Variants in FTCD observed in about 807,000 individuals in gnomAD.
The protein encoded by FTCD is formimidoyltransferase cyclodeaminase.
Under a neutral mutation model 62.9 loss-of-function variants are expected in FTCD, and 76 were observed. That is an observed-to-expected ratio of 1.21 (90% CI 1.00 to 1.46). The LOEUF is 1.46. Ranked by LOEUF, FTCD falls within the 40% of genes most tolerant of loss-of-function variation. The pLI, the probability that FTCD is intolerant of heterozygous loss-of-function variation, is 0.00. For missense variants in FTCD, 845 were observed against 751.3 expected (o/e 1.12, Z -1.46); for synonymous variants, 397 against 336.9 (o/e 1.18, Z -1.95).
At chr21:46,155,009 G>A (rs1295739663) in intron 1 of FTCD, among the ~76,000 whole-genome samples, 4 of 152,210 alleles carry the variant, frequency 2.6e-5, no homozygotes, top group South Asian at 4.1e-4. Context: ...TGCCTACTTC[G>A]TTTTGGGTCC....
chr21:46,150,443 T>G lies in FTCD; in HGVS notation c.719A>C (p.Asp240Ala). The change falls in exon 6 of 14, where the codon GAC (aspartate) becomes GCC (alanine). Residue 240 changes from aspartate (D) to alanine (A), a missense_variant. Transcript: ENST00000397746. ...CGTGTGCAGTGCCGTGACCTCAAAG[T>G]CCAGAAGATTGGTGGACACCTGAGC... ...NLAQVSTNLL[D>A]FEVTALHTVY... is the part of the protein sequence containing the mutation. The G allele has an allele frequency of 6.2e-7, 1 of 1,613,120 alleles. No individual in the cohort carries two copies. The highest frequency in any genetic ancestry group is 8.5e-7 in the Non-Finnish European group (1 of 1,179,836).
At position 46,137,248 on chromosome 21, in the gene FTCD, A is replaced by G. The variant is rs1176561391; in HGVS notation, c.1530T>C (p.Phe510=). Residue 510 remains phenylalanine (F), a synonymous_variant, in exon 13 of 14, where the codon TTT becomes TTC. Transcript: ENST00000397746. ...INLRDITDEA[F]KDQIHHRVSS... ...CCTGCCTCCTGCTCACCTGGTCCTTAAATGCCTCGTCTGTGATGTCCCTCA... is the reference window on the plus strand; with the variant it reads ...CCTGCCTCCTGCTCACCTGGTCCTTGAATGCCTCGTCTGTGATGTCCCTCA... The G allele has an allele frequency of 3.1e-6, 5 of 1,612,024 alleles. No homozygotes were observed. The South Asian group carries it at 5.5e-5, about 18-fold the overall frequency.
At position 46,145,631 on chromosome 21, in the gene FTCD, G is replaced by A. The variant is rs575248663; in HGVS notation, c.1099-53C>T. 541 of 1,438,080 alleles carry A rather than the reference G, an allele frequency of 3.8e-4. 3 individuals carry two copies. The South Asian group carries it at 6.1e-3, about 16-fold the overall frequency. The allele number at this position is 1,438,080 out of a possible 1,614,324, so 89.1% of individuals were successfully genotyped here. A position where few individuals can be genotyped will look rare whatever the true frequency, so the allele number is the denominator to read the frequency against. On this transcript the variant is annotated intron_variant, in intron 9 of 13. Transcript: ENST00000397746. ...CAGGGACCCCAGACGGCCCGGGACC[G>A]ACCCCAGGAAGAGCCAGGGGCCCGG...
At position 46,151,672 on chromosome 21, in the gene FTCD, C is replaced by T. The variant is rs751380593; in HGVS notation, c.522G>A (p.Thr174=). 53 of 1,612,934 alleles carry T rather than the reference C, an allele frequency of 3.3e-5. No individual in the cohort carries two copies. Among genetic ancestry groups the T allele is most frequent in the East Asian group, 1.8e-4 (8 of 44,896 alleles). The change falls in exon 5 of 14, where the codon ACG becomes ACA. Residue 174 remains threonine (T), a synonymous_variant. Transcript: ENST00000397746. ...TGAGGAACTTCCTCGCCCCCGTGGC[C>T]GTGGCCCCCCAACTGGGGACAAAGG... ...PSSFVPSWGA[T]ATGARKFLIA... is the part of the protein sequence containing the mutation.
intron 10 of FTCD, among the ~76,000 whole-genome samples, chr21:46,140,525 G>A (rs75214524): frequency 0.031 from 3,124 of 100,006 alleles, 68 homozygotes; most frequent in Middle Eastern, 0.093. Flanking sequence ...GTCCACCTTC[G>A]CATTGCTCAG....
chr21:46,154,322 G>A lies in FTCD; in HGVS notation c.65C>T (p.Ala22Val), dbSNP rs1163788370. Reference sequence around the variant, plus strand: ...GGTCTGTGTGATGGCTCCAGAGATGGCGTCGATCACCTGGGACACAGGCCC... The same window carrying A: ...GGTCTGTGTGATGGCTCCAGAGATGACGTCGATCACCTGGGACACAGGCCC... ...SEGKNQEVID[A>V]ISGAITQTPG... Residue 22 changes from alanine to valine, a missense_variant, in exon 2 of 14, where the codon GCC becomes GTC. Physicochemically the swap from Ala to Val is moderately conservative, Grantham distance 64 (BLOSUM62 0). Transcript: ENST00000397746. 7 of 1,610,322 alleles carry A rather than the reference G, an allele frequency of 4.3e-6. No individual in the cohort carries two copies. The highest frequency in any genetic ancestry group is 5.1e-6 in the Non-Finnish European group (6 of 1,179,436).
chr21:46,146,022 G>GGCCCCAC (rs1233496168), intron 8 of FTCD, 75 bp from the exon 9 acceptor site: 29 of 934,980 alleles, frequency 3.1e-5, no homozygotes, highest in Non-Finnish European at 4.0e-5. Context: ...GGCGGCCCCA[G>GGCCCCAC]GCCCCACGCC....
intron 3 of FTCD, 138 bp from the exon 4 acceptor site, chr21:46,152,118 T>G (rs2079302262): frequency 1.6e-6 from 1 of 630,958 alleles, no homozygotes. Flanking sequence ...GGAGTGCCCG[T>G]TCTCCGCCTT....
chr21:46,138,926 G>A lies in FTCD; in HGVS notation c.1261-3C>T, dbSNP rs762914874. On this transcript the variant is annotated splice_region_variant and splice_polypyrimidine_tract_variant and intron_variant, in intron 10 of 13. Coordinates refer to ENST00000397746, the MANE Select transcript of FTCD (RefSeq NM_206965.2). The stretch of plus-strand genomic sequence containing the variant: ...TTCTTGGGGAGCCTCATTGCTTCCT[G>A]CCATAAAGAGACAGAACCACTGGGC... 2.5e-6 allele frequency: 4 copies of A among 1,611,432 alleles called. No individual in the cohort carries two copies. Among genetic ancestry groups the A allele is most frequent in the Admixed American group, 1.7e-5 (1 of 59,992 alleles).
chr21:46,155,391 A>G lies in FTCD; in HGVS notation c.54+79T>C, dbSNP rs1052646557. ...GACGACCCGGGACACCAAGCCCACC[A>G]CCTCCTCCATGGCCTGGGCCTTAGC... On this transcript the variant is annotated intron_variant, in intron 1 of 13. Coordinates refer to ENST00000397746, the MANE Select transcript of FTCD (RefSeq NM_206965.2). 420 of 1,208,090 alleles carry G rather than the reference A, an allele frequency of 3.5e-4. 1 individual carries two copies. Among genetic ancestry groups the G allele is most frequent in the Non-Finnish European group, 4.6e-4 (377 of 818,864 alleles). 74.8% of individuals were successfully genotyped at this position (1,208,090 alleles called of 1,614,324 possible). A position where few individuals can be genotyped will look rare whatever the true frequency, so the allele number is the denominator to read the frequency against.
chr21:46,145,490 G>A lies in FTCD; in HGVS notation c.1187C>T (p.Pro396Leu), dbSNP rs898958928. 6.4e-7 allele frequency: 1 copy of A among 1,555,444 alleles called. No homozygotes were observed. Among genetic ancestry groups the A allele is most frequent in the Non-Finnish European group, 8.7e-7 (1 of 1,150,304 alleles). ...SLDTTMRRLI[P>L]PFREASAKLT... ...CTTGGCCGAAGCCTCGCGGAAGGGCGGGATCAGGCGCCGCATCGTCGTGTC... is the reference window on the plus strand; with the variant it reads ...CTTGGCCGAAGCCTCGCGGAAGGGCAGGATCAGGCGCCGCATCGTCGTGTC... The change falls in exon 10 of 14, where the codon CCG becomes CTG. Residue 396 changes from proline to leucine, a missense_variant. Coordinates refer to ENST00000397746, the MANE Select transcript of FTCD (RefSeq NM_206965.2).
chr21:46,146,487 C>T (rs1481651704), intron 7 of FTCD, 160 bp from the exon 8 acceptor site: 2 of 636,368 alleles, frequency 3.1e-6, no homozygotes, highest in Admixed American at 4.8e-5. Context: ...CACCCCCCAC[C>T]TCTGCCCCGC....
In FTCD at chr21:46,151,475, G is replaced by A. The variant is rs572919846; in HGVS notation, c.636+83C>T. 2,815 of 1,310,014 alleles carry A rather than the reference G, an allele frequency of 2.1e-3. 5 individuals are homozygous for A. The highest frequency in any genetic ancestry group is 2.8e-3 in the Non-Finnish European group (2,543 of 918,494). The allele number at this position is 1,310,014 out of a possible 1,614,324, so 81.1% of individuals were successfully genotyped here. ...GTCCGGCCGGTGCCCCATCCCCACC[G>A]ACCTCCCCGCCTGAGGCTCTCAGCC... On this transcript the variant is annotated intron_variant, in intron 5 of 13. Transcript: ENST00000397746.
In FTCD at chr21:46,138,605, G is replaced by GA. The variant is rs1323680253; in HGVS notation, c.1345dup (p.Ser449PhefsTer63). On this transcript the variant is annotated frameshift_variant, in exon 12 of 14. Transcript: ENST00000397746. LOFTEE classifies it high-confidence loss of function. ...CGTCTCCGCCAGCGTCAGCGGCACA[G>GA]AGACTGCCCGCCTCAGACCCTCCTG... 6.3e-7 allele frequency: 1 copy of GA among 1,592,280 alleles called. No homozygotes were observed. The highest frequency in any genetic ancestry group is 8.5e-7 in the Non-Finnish European group (1 of 1,176,404).
At position 46,138,490 on chromosome 21, in the gene FTCD, TC is replaced by T. The variant is rs773794646; in HGVS notation, c.1443+17del. ...CTGCTTTGCGGCAGGAGGCCTGGGGTCCCCCGGGCCCCCCTACCTGGAGGTC... is the reference window on the plus strand; with the variant it reads ...CTGCTTTGCGGCAGGAGGCCTGGGGTCCCCGGGCCCCCCTACCTGGAGGTC... On this transcript the variant is annotated intron_variant, in intron 12 of 13. Coordinates refer to ENST00000397746, the MANE Select transcript of FTCD (RefSeq NM_206965.2). The T allele has an allele frequency of 8.1e-5, 127 of 1,570,798 alleles. No individual in the cohort carries two copies. In the East Asian group the frequency reaches 1.7e-3, roughly 21 times the overall value.
chr21:46,138,432 G>C (rs1327345859), intron 12 of FTCD, 76 bp downstream of exon 12: 1 of 1,411,196 alleles, frequency 7.1e-7, no homozygotes, highest in Non-Finnish European at 9.7e-7. Flanking sequence ...CAACCACCGT[G>C]CTCTCCAGCA....
At chr21:46,148,274 A>G (rs527964902) in intron 7 of FTCD, among the ~76,000 whole-genome samples, 1 of 152,322 alleles carries the variant, frequency 6.6e-6, no homozygotes, top group East Asian at 1.9e-4. Context: ...AATGAGCATC[A>G]TGGGGAGTCG....
At chr21:46,146,519 C>T (rs1249918670) in intron 7 of FTCD, 192 bp from the exon 8 acceptor site, 6 of 608,552 alleles carry the variant, frequency 9.9e-6, no homozygotes, top group Non-Finnish European at 1.8e-5. Context: ...TGGGCCCCGC[C>T]CCAGCAGGCA....
At chr21:46,136,407 C>T (rs747483145), downstream of FTCD, 111 of 1,608,168 alleles carry the variant, frequency 6.9e-5, no homozygotes, top group Non-Finnish European at 9.4e-5. Flanking sequence ...GTACCGTGCT[C>T]TGTGGAACTG....
Sources: allele counts gnomAD v4.1 joint callset (sites outside exome capture counted in the v4.1 genomes callset), GRCh38; gene constraint gnomAD v4.1.1; transcripts MANE v1.5; gene names NCBI Gene and HGNC (gene_info 2026-07-23, HGNC 2026-07-21).